Variants in RHPN2 observed in about 807,000 individuals in gnomAD.
RHPN2 encodes the protein rhophilin Rho GTPase binding protein 2.
A neutral mutation model predicts 79.0 loss-of-function variants in RHPN2; 40 were observed. That is an observed-to-expected ratio of 0.51 (90% CI 0.39 to 0.66). RHPN2 has a LOEUF of 0.66. RHPN2 is among the 30% of genes least tolerant of loss of function. RHPN2 has a pLI of 0.00. For missense variants in RHPN2, 686 were observed against 883.5 expected (o/e 0.78, Z 2.83); for synonymous variants, 285 against 363.5 (o/e 0.78, Z 2.46).
intron 3 of RHPN2, among the ~76,000 whole-genome samples, chr19:33,022,237 T>A (rs920082488): frequency 6.6e-6 from 1 of 152,152 alleles, no homozygotes; most frequent in Non-Finnish European, 1.5e-5. Flanking sequence ...CGTGAGCCTC[T>A]GAGCCCAGCT....
rs1487002081 is a variant in RHPN2 at position 33,008,086 on chromosome 19, T to C, written c.688A>G (p.Ile230Val). 6 of 1,613,898 alleles carry C rather than the reference T, an allele frequency of 3.7e-6. No individual in the cohort carries two copies. The highest frequency in any genetic ancestry group is 2.7e-5 in the African/African-American group (2 of 75,004). ...GTCTGCCGATCACACCGGGTCCCAA[T>C]CTGGGTGTAGAGGGCCCCAGTGTTG... is the stretch of plus-strand genomic sequence containing the variant. ...LFNTGALYTQ[I>V]GTRCDRQTQA... The change falls in exon 7 of 15, where the codon ATT (isoleucine) becomes GTT (valine). Residue 230 changes from isoleucine (I) to valine (V), a missense_variant. Ile to Val is a conservative substitution (Grantham distance 29). Transcript: ENST00000254260.
At chr19:33,006,646 G>A (rs1489581336) in intron 7 of RHPN2, among the ~76,000 whole-genome samples, 2 of 152,184 alleles carry the variant, frequency 1.3e-5, no homozygotes, top group Non-Finnish European at 2.9e-5. Flanking sequence ...CCATCCCCAC[G>A]TGGAGTCTGA....
intron 2 of RHPN2, among the ~76,000 whole-genome samples, chr19:33,031,255 A>ATTCTATTCTATTCTATTCTC (rs56055369): frequency 6.7e-6 from 1 of 148,830 alleles, no homozygotes; most frequent in African/African-American, 2.5e-5. Context: ...ATTCTATTCT[A>ATTCTATTCTATTCTATTCTC]CTCTATTCTA....
At chr19:33,042,200 A>AAG (rs199847538) in intron 2 of RHPN2, among the ~76,000 whole-genome samples, 20,534 of 151,364 alleles carry the variant, frequency 0.14, 1,807 homozygotes, top group East Asian at 0.29. Flanking sequence ...AAAAAAAAAA[A>AAG]AAAGGTGCTC....
chr19:33,023,570 G>A (rs1329999059), intron 3 of RHPN2, among the ~76,000 whole-genome samples: 11 of 151,842 alleles, frequency 7.2e-5, no homozygotes, highest in Non-Finnish European at 1.0e-4. Flanking sequence ...GGCGGATCAC[G>A]AGGTCAGGAG....
intron 7 of RHPN2, among the ~76,000 whole-genome samples, chr19:33,004,398 G>A (rs1458948801): frequency 6.6e-6 from 1 of 152,040 alleles, no homozygotes; most frequent in East Asian, 1.9e-4. Context: ...ACAACACTAT[G>A]AATGTACAAA....
At position 33,008,034 on chromosome 19, in the gene RHPN2, T is replaced by C; in HGVS notation, c.740A>G (p.Asp247Gly). 2 of 1,612,604 alleles carry C rather than the reference T, an allele frequency of 1.2e-6. No homozygotes were observed. The highest frequency in any genetic ancestry group is 1.7e-6 in the Non-Finnish European group (2 of 1,179,990). The change falls in exon 7 of 15, where the codon GAT becomes GGT. Residue 247 changes from aspartate (D) to glycine (G), a missense_variant. Coordinates refer to ENST00000254260, the MANE Select transcript of RHPN2 (RefSeq NM_033103.5). ...CATACCTGCGGCTCTCTGAAAGGCATCTATGGCACTCTCCAGCCCAGCCTG... is the reference window on the plus strand; with the variant it reads ...CATACCTGCGGCTCTCTGAAAGGCACCTATGGCACTCTCCAGCCCAGCCTG... ...QTQAGLESAI[D>G]AFQRAAGVLN...
intron 3 of RHPN2, among the ~76,000 whole-genome samples, chr19:33,024,346 T>C (rs1376005251): frequency 1.3e-5 from 2 of 152,064 alleles, no homozygotes; most frequent in African/African-American, 4.8e-5. Flanking sequence ...GGCAGGAGGA[T>C]TGCTTGAACC....
chr19:33,005,442 A>T (rs1971782614), intron 7 of RHPN2, among the ~76,000 whole-genome samples: 1 of 145,234 alleles, frequency 6.9e-6, no homozygotes, highest in Non-Finnish European at 1.5e-5. Context: ...AAAAAATCTC[A>T]ATCCGTCTGC....
intron 14 of RHPN2, among the ~76,000 whole-genome samples, chr19:32,982,578 T>C (rs1441661361): frequency 6.6e-6 from 1 of 152,044 alleles, no homozygotes; most frequent in Non-Finnish European, 1.5e-5. Context: ...CACAATGTCA[T>C]TTAAAACAAT....
intron 1 of RHPN2, among the ~76,000 whole-genome samples, chr19:33,050,966 AC>A (rs1460382635): frequency 6.6e-6 from 1 of 152,040 alleles, no homozygotes; most frequent in African/African-American, 2.4e-5. Context: ...AAAAGTACTA[AC>A]TCAAATAAGT....
chr19:33,006,903 A>G (rs977166447), intron 7 of RHPN2, among the ~76,000 whole-genome samples: 7 of 151,792 alleles, frequency 4.6e-5, no homozygotes, highest in Admixed American at 4.6e-4. Context: ...TTAGCCAGGC[A>G]TGGTGGCAGG....
intron 6 of RHPN2, among the ~76,000 whole-genome samples, chr19:33,008,841 C>T (rs1971814505): frequency 3.9e-5 from 6 of 152,142 alleles, no homozygotes; most frequent in Admixed American, 2.6e-4. Flanking sequence ...CAGGACTAAT[C>T]ACACTGACCG....
At position 33,002,237 on chromosome 19, in the gene RHPN2, C is replaced by T. The variant is rs746352214; in HGVS notation, c.1105+10G>A. On this transcript the variant is annotated intron_variant, in intron 9 of 14. Transcript: ENST00000254260. ...GCCCTCGCCAAACTCCCGAACCCCC[C>T]AGGCCTTACCCTGGTGGTCGATGAG... 7 of 1,612,100 alleles carry T rather than the reference C, an allele frequency of 4.3e-6. No homozygotes were observed. Among genetic ancestry groups the T allele is most frequent in the Non-Finnish European group, 5.9e-6 (7 of 1,179,660 alleles).
intron 2 of RHPN2, among the ~76,000 whole-genome samples, chr19:33,042,062 G>A (rs1972104658): frequency 6.6e-6 from 1 of 152,020 alleles, no homozygotes; most frequent in Non-Finnish European, 1.5e-5. Context: ...GCTGGCACGT[G>A]CCTGTAGTCC....
chr19:32,983,339 T>A (rs183305804), intron 14 of RHPN2, among the ~76,000 whole-genome samples: 2 of 151,816 alleles, frequency 1.3e-5, no homozygotes, highest in Non-Finnish European at 2.9e-5. Context: ...GGTGAAACCC[T>A]GTCTCTACTA....
intron 2 of RHPN2, among the ~76,000 whole-genome samples, chr19:33,040,059 C>G (rs1183160918): frequency 6.6e-6 from 1 of 152,030 alleles, no homozygotes; most frequent in Non-Finnish European, 1.5e-5. Flanking sequence ...CCCATTCACT[C>G]ATTTAAAGCC....
At chr19:33,039,916 A>T (rs1376833370) in intron 2 of RHPN2, among the ~76,000 whole-genome samples, 1 of 151,868 alleles carries the variant, frequency 6.6e-6, no homozygotes, top group Admixed American at 6.6e-5. Flanking sequence ...AAAAAAAAAA[A>T]TTAGAAGATA....
intron 1 of RHPN2, among the ~76,000 whole-genome samples, chr19:33,046,456 C>T (rs568463226): frequency 4.0e-5 from 6 of 151,854 alleles, no homozygotes; most frequent in South Asian, 2.1e-4. Flanking sequence ...AGTAGAGAGG[C>T]GGGTTTCATG....
Sources: gnomAD v4.1 joint callset for allele counts (sites outside exome capture counted in the v4.1 genomes callset) on GRCh38, gnomAD v4.1.1 for gene constraint, MANE v1.5 for transcripts, NCBI Gene and HGNC (gene_info 2026-07-23, HGNC 2026-07-21) for gene names.